The following CSMD1 variants were observed in gnomAD, a reference collection of about 807,000 sequenced individuals.
CSMD1 encodes CUB and sushi domain-containing protein 1.
CSMD1 carries 213 observed loss-of-function variants against 417.5 expected under a neutral mutation model. The observed-to-expected ratio is 0.51, with a 90% confidence interval of 0.46 to 0.57. CSMD1 has a LOEUF of 0.57. Among genes scored for constraint, CSMD1 ranks in the 20% least tolerant of loss-of-function variants. CSMD1 has a pLI of 0.00. For missense variants in CSMD1, 6,923 were observed against 4,529.7 expected (o/e 1.53, Z -15.17); for synonymous variants, 2,862 against 1,736.8 (o/e 1.65, Z -16.11).
intron 5 of CSMD1, among the ~76,000 whole-genome samples, chr8:3,761,672 A>G (rs913529652): frequency 6.6e-6 from 1 of 151,814 alleles, no homozygotes; most frequent in African/African-American, 2.4e-5. Context: ...CACCTGGCTA[A>G]TTTTTGTATT....
chr8:2,971,461 T>C (rs369439873), intron 57 of CSMD1, among the ~76,000 whole-genome samples: 3 of 152,298 alleles, frequency 2.0e-5, no homozygotes, highest in East Asian at 3.9e-4. Context: ...GGGGATGTTA[T>C]TGCTGCTGCT....
chr8:4,367,926 G>A (rs1802179153), intron 3 of CSMD1, among the ~76,000 whole-genome samples: 2 of 152,206 alleles, frequency 1.3e-5, no homozygotes, highest in East Asian at 3.9e-4. Flanking sequence ...TACTGAAGTT[G>A]TTTATCAGTT....
intron 1 of CSMD1, among the ~76,000 whole-genome samples, chr8:4,839,281 C>A (rs1297504670): frequency 5.9e-5 from 9 of 152,138 alleles, no homozygotes. Context: ...TTCATTCATT[C>A]ATCTATTTGT....
chr8:4,585,273 A>T (rs1186533115), intron 2 of CSMD1, among the ~76,000 whole-genome samples: 1 of 152,182 alleles, frequency 6.6e-6, no homozygotes, highest in African/African-American at 2.4e-5. Context: ...GAAATTCTGC[A>T]GTTGAAATAG....
chr8:4,339,971 C>T (rs181327870), intron 3 of CSMD1, among the ~76,000 whole-genome samples: 7 of 152,098 alleles, frequency 4.6e-5, no homozygotes, highest in East Asian at 3.9e-4. Context: ...GTTCAGTGAG[C>T]GGTGATAGCA....
At chr8:4,577,593 C>A (rs1041348040) in intron 2 of CSMD1, among the ~76,000 whole-genome samples, 3 of 152,172 alleles carry the variant, frequency 2.0e-5, no homozygotes, top group South Asian at 2.1e-4. Flanking sequence ...CAGGCAGGAT[C>A]CAGTATCTCT....
At chr8:3,560,867 C>A (rs972359872) in intron 10 of CSMD1, among the ~76,000 whole-genome samples, 3 of 152,134 alleles carry the variant, frequency 2.0e-5, no homozygotes, top group African/African-American at 7.2e-5. Flanking sequence ...TGTAGAATTT[C>A]ATCACCATTT....
chr8:4,759,658 T>C (rs1811907069), intron 1 of CSMD1, among the ~76,000 whole-genome samples: 1 of 152,098 alleles, frequency 6.6e-6, no homozygotes, highest in South Asian at 2.1e-4. Context: ...AGTGAGAATA[T>C]GTGGTGTTTG....
chr8:3,255,221 T>C (rs1800562010), intron 26 of CSMD1, among the ~76,000 whole-genome samples: 1 of 152,032 alleles, frequency 6.6e-6, no homozygotes, highest in African/African-American at 2.4e-5. Context: ...GCCTGACCAT[T>C]CCTCTGGAAG....
intron 8 of CSMD1, chr8:3,613,247 G>C (rs1391761281): frequency 2.4e-6 from 1 of 424,026 alleles, no homozygotes; most frequent in South Asian, 1.7e-5. Flanking sequence ...CCTGTAAGTA[G>C]AAAAGAAATT....
intron 12 of CSMD1, among the ~76,000 whole-genome samples, chr8:3,434,818 A>G (rs913014510): frequency 1.2e-4 from 19 of 152,184 alleles, no homozygotes; most frequent in Admixed American, 6.5e-5. Flanking sequence ...CTATATTTCT[A>G]TGAGTCAGAG....
intron 3 of CSMD1, among the ~76,000 whole-genome samples, chr8:4,102,848 A>C (rs537550969): frequency 6.6e-6 from 1 of 152,284 alleles, no homozygotes; most frequent in African/African-American, 2.4e-5. Context: ...ATCAGGAAGG[A>C]ATCTATCCTG....
chr8:4,737,592 A>G (rs1300118180), intron 1 of CSMD1, among the ~76,000 whole-genome samples: 2 of 152,192 alleles, frequency 1.3e-5, no homozygotes, highest in Non-Finnish European at 2.9e-5. Context: ...CACCTTCTTC[A>G]TCTCTATCTT....
chr8:3,964,326 G>A (rs973931360), intron 5 of CSMD1, among the ~76,000 whole-genome samples: 1 of 152,140 alleles, frequency 6.6e-6, no homozygotes, highest in Non-Finnish European at 1.5e-5. Context: ...AAGTCTCATT[G>A]TGTCACCGTG....
At chr8:4,647,391 G>C (rs1235591632) in intron 1 of CSMD1, among the ~76,000 whole-genome samples, 27 of 99,184 alleles carry the variant, frequency 2.7e-4, no homozygotes, top group East Asian at 2.1e-3. Context: ...CGTGTGCCAC[G>C]GAGGTCTGTT....
At chr8:3,528,234 T>C (rs1797834932) in intron 10 of CSMD1, among the ~76,000 whole-genome samples, 2 of 152,212 alleles carry the variant, frequency 1.3e-5, no homozygotes. Context: ...TTGAATTATG[T>C]GTTGTGGAAA....
At chr8:2,972,594 C>T (rs1804554411) in intron 57 of CSMD1, among the ~76,000 whole-genome samples, 1 of 152,184 alleles carries the variant, frequency 6.6e-6, no homozygotes, top group South Asian at 2.1e-4. Flanking sequence ...CATACCACCA[C>T]TTCCTACGAT....
chr8:4,505,284 C>T (rs910223097), intron 2 of CSMD1, among the ~76,000 whole-genome samples: 2 of 151,926 alleles, frequency 1.3e-5, no homozygotes, highest in Admixed American at 1.3e-4. Context: ...TTCTTTAGAA[C>T]AGAGGAAAAT....
intron 5 of CSMD1, among the ~76,000 whole-genome samples, chr8:3,882,671 C>T (rs1031540921): frequency 6.6e-6 from 1 of 151,920 alleles, no homozygotes; most frequent in African/African-American, 2.4e-5. Context: ...GGTATGTTCA[C>T]AAAACAAAAT....
Sources: gnomAD v4.1 joint callset for allele counts (sites outside exome capture counted in the v4.1 genomes callset) on GRCh38, gnomAD v4.1.1 for gene constraint, MANE v1.5 for transcripts, NCBI Gene and HGNC (gene_info 2026-07-23, HGNC 2026-07-21) for gene names.